HIGD1C: variants seen among roughly 807,000 people sequenced by gnomAD.
HIGD1C encodes HIG1 domain family member 1C.
Under a neutral mutation model 13.1 loss-of-function variants are expected in HIGD1C, and 11 were observed. The ratio of observed to expected loss-of-function variants is 0.84; its 90% CI spans 0.53 to 1.39. The LOEUF (loss-of-function observed/expected upper bound fraction) is 1.39. HIGD1C is among the 40% of genes most tolerant of loss of function. The probability of loss-of-function intolerance (pLI) is 0.00; values close to 1 mark genes in which losing one functional copy is unlikely to be tolerated. For missense variants in HIGD1C, 110 were observed against 112.0 expected, an observed-to-expected ratio of 0.98 and a Z score of 0.08; for synonymous variants, 36 against 37.7, an observed-to-expected ratio of 0.95 and a Z score of 0.17.
the HIGD1C span, among the ~76,000 whole-genome samples, chr12:50,948,748 GTTCC>G: frequency 6.9e-6 from 1 of 145,930 alleles, no homozygotes; most frequent in East Asian, 2.0e-4. Flanking sequence ...TGTGCCTGTA[GTTCC>G]TTCCAGCTAC....
the HIGD1C span, among the ~76,000 whole-genome samples, chr12:50,940,702 G>A: frequency 1.4e-5 from 2 of 141,808 alleles, no homozygotes; most frequent in Non-Finnish European, 3.0e-5. Flanking sequence ...CAGCCTGGGC[G>A]ACAGAGTGAG....
intron 2 of HIGD1C, among the ~76,000 whole-genome samples, 171 bp from the exon 5 acceptor site, chr12:50,970,270 TG>T (rs1219795798): frequency 1.5e-4 from 23 of 152,350 alleles, no homozygotes; most frequent in Non-Finnish European, 1.5e-4. Context: ...TTTTGTTTTT[TG>T]TTTTTTTCTA....
At chr12:50,949,904 C>T (rs1233394544), upstream of HIGD1C, among the ~76,000 whole-genome samples, 1 of 152,124 alleles carries the variant, frequency 6.6e-6, no homozygotes, top group Non-Finnish European at 1.5e-5. Flanking sequence ...GCTCATTCCC[C>T]CAAAACCCCA....
chr12:50,953,373 G>C (rs1159576893), upstream of HIGD1C, among the ~76,000 whole-genome samples: 1 of 152,214 alleles, frequency 6.6e-6, no homozygotes, highest in African/African-American at 2.4e-5. Flanking sequence ...AGACTCAGGC[G>C]CTGCTAAATC....
At chr12:50,969,215 A>C (rs1163192424) in intron 2 of HIGD1C, among the ~76,000 whole-genome samples, 2 of 151,982 alleles carry the variant, frequency 1.3e-5, no homozygotes, top group African/African-American at 4.8e-5. Context: ...AATTGCTTGA[A>C]TCTGGGAGGC....
the HIGD1C span, among the ~76,000 whole-genome samples, chr12:50,942,688 C>G: frequency 6.6e-6 from 1 of 151,854 alleles, no homozygotes; most frequent in African/African-American, 2.4e-5. Context: ...GGCAACATGG[C>G]GAGACCTCAT....
chr12:50,954,766 G>A (rs978607641), intron 1 of HIGD1C, among the ~76,000 whole-genome samples: 2 of 152,062 alleles, frequency 1.3e-5, no homozygotes, highest in Non-Finnish European at 2.9e-5. Flanking sequence ...AAAAACTTCT[G>A]CATCTAATGT....
chr12:50,964,019 A>G (rs1592264879), intron 2 of HIGD1C, among the ~76,000 whole-genome samples: 1 of 152,352 alleles, frequency 6.6e-6, no homozygotes, highest in East Asian at 1.9e-4. Flanking sequence ...TCTTTGGATG[A>G]TGATGATTCC....
chr12:50,968,250 G>T (rs1368073917), intron 2 of HIGD1C, among the ~76,000 whole-genome samples: 1 of 152,210 alleles, frequency 6.6e-6, no homozygotes, highest in African/African-American at 2.4e-5. Context: ...ACTGAAGTCA[G>T]TAAGGCAGCA....
At chr12:50,969,459 G>C (rs1939674505) in intron 2 of HIGD1C, among the ~76,000 whole-genome samples, 1 of 152,056 alleles carries the variant, frequency 6.6e-6, no homozygotes, top group African/African-American at 2.4e-5. Flanking sequence ...CAGCACTTTA[G>C]GAGGCCAAGG....
At chr12:50,938,665 C>T in the HIGD1C span, among the ~76,000 whole-genome samples, 577 of 152,328 alleles carry the variant, frequency 3.8e-3, 6 homozygotes, top group African/African-American at 0.013. Context: ...ATCACTTCTA[C>T]ATACCTCTCA....
At chr12:50,944,690 C>A in the HIGD1C span, among the ~76,000 whole-genome samples, 1 of 152,244 alleles carries the variant, frequency 6.6e-6, no homozygotes, top group East Asian at 1.9e-4. Context: ...AGTTTGAGAC[C>A]AGCCTGGCCA....
At chr12:50,956,816 G>A (rs1256925703) in intron 1 of HIGD1C, among the ~76,000 whole-genome samples, 7 of 151,922 alleles carry the variant, frequency 4.6e-5, no homozygotes, top group African/African-American at 1.7e-4. Flanking sequence ...TTTTTCTTTT[G>A]GTTATTTCCT....
chr12:50,971,446 T>C (rs931714343), downstream of HIGD1C, among the ~76,000 whole-genome samples: 16 of 152,240 alleles, frequency 1.1e-4, no homozygotes, highest in African/African-American at 1.9e-4. Flanking sequence ...GTTCTAGGAA[T>C]ACAAAGGTAA....
chr12:50,936,460 G>T, the HIGD1C span, among the ~76,000 whole-genome samples: 1 of 152,102 alleles, frequency 6.6e-6, no homozygotes, highest in African/African-American at 2.4e-5. Context: ...AACTCTACAA[G>T]ACAGGGATAA....
downstream of HIGD1C, chr12:50,970,555 T>C (rs2136105813): frequency 8.8e-7 from 1 of 1,138,768 alleles, no homozygotes; most frequent in African/African-American, 1.6e-5. Context: ...GAAAACTATT[T>C]ATTATGAAGA....
chr12:50,951,305 T>C (rs1349545736), upstream of HIGD1C, among the ~76,000 whole-genome samples: 2 of 152,106 alleles, frequency 1.3e-5, no homozygotes, highest in African/African-American at 2.4e-5. Context: ...ACAGACTCTA[T>C]TTAGAAATTG....
rs772326502 is a variant in HIGD1C, at chr12:50,954,111, T to C, written c.94+19T>C. On this transcript the variant is annotated intron_variant, in intron 1 of 2. Transcript: ENST00000398455. ...CCTATAGGTAAGTACAAGCCTTGAC[T>C]GGATGCAGAAAACTGTAATAACACA... The C allele has an allele frequency of 7.0e-7, 1 of 1,435,168 alleles. No individual in the cohort carries two copies. The highest frequency in any genetic ancestry group is 9.8e-7 in the Non-Finnish European group (1 of 1,022,848). The allele number at this position is 1,435,168 out of a possible 1,614,324, so 88.9% of individuals were successfully genotyped here. A position where few individuals can be genotyped will look rare whatever the true frequency, so the allele number is the denominator to read the frequency against.
At chr12:50,939,659 T>A in the HIGD1C span, among the ~76,000 whole-genome samples, 1 of 152,178 alleles carries the variant, frequency 6.6e-6, no homozygotes, top group Admixed American at 6.5e-5. Context: ...AATATCATTA[T>A]TAACTTAGTA....
Sources: allele counts gnomAD v4.1 joint callset (sites outside exome capture counted in the v4.1 genomes callset), GRCh38; gene constraint gnomAD v4.1.1; transcripts MANE v1.5; gene names NCBI Gene and HGNC (gene_info 2026-07-23, HGNC 2026-07-21).